Variants in RAB3C observed in about 807,000 individuals in gnomAD.
The protein encoded by RAB3C is RAB3C, member RAS oncogene family, also known as ras-related protein Rab-3C.
A neutral mutation model predicts 26.4 loss-of-function variants in RAB3C; 17 were observed. The observed-to-expected ratio is 0.64, with a 90% CI of 0.44 to 0.97. The LOEUF is 0.97. Ranked by LOEUF, RAB3C falls within the 50% of genes least tolerant of loss-of-function variation. The pLI is 0.00. For missense variants in RAB3C, 242 were observed against 281.9 expected (o/e 0.86, Z 1.01); for synonymous variants, 91 against 95.9 (o/e 0.95, Z 0.30).
chr5:58,617,947 C>A (rs387150), intron 2 of RAB3C, 77 bp downstream of exon 2: 1 of 887,758 alleles, frequency 1.1e-6, no homozygotes, highest in Non-Finnish European at 1.8e-6. Context: ...AAACTTTCTG[C>A]CTTGTTCTAT....
chr5:58,595,969 A>G (rs1746238389), intron 1 of RAB3C, among the ~76,000 whole-genome samples: 1 of 152,084 alleles, frequency 6.6e-6, no homozygotes, highest in Non-Finnish European at 1.5e-5. Flanking sequence ...AGTTTTTTCT[A>G]ATGTTTTAAA....
chr5:58,592,908 T>C (rs1746169831), intron 1 of RAB3C, among the ~76,000 whole-genome samples: 1 of 152,154 alleles, frequency 6.6e-6, no homozygotes, highest in South Asian at 2.1e-4. Context: ...TTTAGTCAGA[T>C]TGGCGAATTG....
chr5:58,731,286 A>G (rs1220951940), intron 3 of RAB3C, among the ~76,000 whole-genome samples: 3 of 152,184 alleles, frequency 2.0e-5, no homozygotes, highest in South Asian at 4.1e-4. Flanking sequence ...GAGTTAAATT[A>G]TCCTCTTTGG....
chr5:58,591,356 G>T (rs753784394), intron 1 of RAB3C, among the ~76,000 whole-genome samples: 26 of 151,868 alleles, frequency 1.7e-4, no homozygotes, highest in Non-Finnish European at 3.1e-4. Flanking sequence ...AGCTATTATT[G>T]TCAATTTGCC....
At chr5:58,701,144 C>T (rs748389163) in intron 2 of RAB3C, among the ~76,000 whole-genome samples, 2 of 151,916 alleles carry the variant, frequency 1.3e-5, no homozygotes, top group East Asian at 1.9e-4. Flanking sequence ...TGCAGGCACC[C>T]GCCACCATGC....
intron 3 of RAB3C, among the ~76,000 whole-genome samples, chr5:58,748,687 C>T (rs1741452778): frequency 6.6e-6 from 1 of 151,922 alleles, no homozygotes; most frequent in Non-Finnish European, 1.5e-5. Context: ...CTAGATATTC[C>T]TTTAGGAAGA....
chr5:58,646,079 A>G (rs950434852), intron 2 of RAB3C, among the ~76,000 whole-genome samples: 2 of 152,182 alleles, frequency 1.3e-5, no homozygotes, highest in African/African-American at 4.8e-5. Flanking sequence ...AAAGGAGCGA[A>G]GTCGAATGAT....
chr5:58,697,795 T>A (rs1443232113), intron 2 of RAB3C, among the ~76,000 whole-genome samples: 1 of 152,188 alleles, frequency 6.6e-6, no homozygotes, highest in East Asian at 1.9e-4. Context: ...CCTCTATCCC[T>A]TTATTTTGAG....
At chr5:58,756,295 TTC>T (rs955827778) in intron 3 of RAB3C, among the ~76,000 whole-genome samples, 73 of 147,092 alleles carry the variant, frequency 5.0e-4, no homozygotes, top group Non-Finnish European at 9.5e-4. Context: ...AATGTAGATA[TTC>T]TCTTACTTAG....
At chr5:58,828,101 C>T (rs1470687021) in intron 4 of RAB3C, among the ~76,000 whole-genome samples, 1 of 152,158 alleles carries the variant, frequency 6.6e-6, no homozygotes, top group Admixed American at 6.5e-5. Flanking sequence ...TGTAATGGAG[C>T]TCTTTAAAAA....
At chr5:58,660,832 G>A (rs1176753276) in intron 2 of RAB3C, among the ~76,000 whole-genome samples, 2 of 149,998 alleles carry the variant, frequency 1.3e-5, no homozygotes, top group Admixed American at 6.6e-5. Context: ...CATGGAGAGG[G>A]CGCACTCTTA....
chr5:58,704,859 C>G (rs187916055), intron 2 of RAB3C, among the ~76,000 whole-genome samples: 3 of 152,196 alleles, frequency 2.0e-5, no homozygotes, highest in Admixed American at 2.0e-4. Context: ...ACCAGAAAGG[C>G]TGATTCTTGT....
At chr5:58,757,616 T>C (rs1008290458) in intron 3 of RAB3C, among the ~76,000 whole-genome samples, 9 of 152,246 alleles carry the variant, frequency 5.9e-5, no homozygotes, top group Non-Finnish European at 1.0e-4. Flanking sequence ...CTGTCCTTCA[T>C]TGGTGATGTT....
In RAB3C at chr5:58,678,762, C is replaced by G. The variant is rs144583064; in HGVS notation, c.253-47240C>G. On this transcript the variant is annotated intron_variant, in intron 2 of 4. Coordinates refer to ENST00000282878, the MANE Select transcript of RAB3C (RefSeq NM_138453.4). ...AACCCAACTGCAAGTCACTCCAATT[C>G]CCATATAATTGTAACTTCTTTTTGA... is the stretch of plus-strand genomic sequence containing the variant. 1.1e-3 allele frequency among the ~76,000 whole-genome samples: 164 copies of G among 152,260 alleles called. 1 individual carries two copies. Among genetic ancestry groups the G allele is most frequent in the African/African-American group, 3.7e-3 (152 of 41,560 alleles).
At chr5:58,706,182 T>C (rs1207767800) in intron 2 of RAB3C, among the ~76,000 whole-genome samples, 1 of 152,206 alleles carries the variant, frequency 6.6e-6, no homozygotes, top group African/African-American at 2.4e-5. Context: ...ATGGTGGCCA[T>C]GTTGAATGAT....
At chr5:58,620,494 A>G in intron 2 of RAB3C, among the ~76,000 whole-genome samples, 1 of 152,230 alleles carries the variant, frequency 6.6e-6, no homozygotes, top group East Asian at 1.9e-4. Context: ...TTGGATAATT[A>G]TGTACTTCTA....
chr5:58,618,477 T>C (rs1459432890), intron 2 of RAB3C, among the ~76,000 whole-genome samples: 2 of 152,176 alleles, frequency 1.3e-5, no homozygotes, highest in Non-Finnish European at 2.9e-5. Context: ...ACAGGGTCTT[T>C]CCAAAGTAGA....
intron 3 of RAB3C, among the ~76,000 whole-genome samples, chr5:58,750,575 T>C (rs1488944691): frequency 2.6e-5 from 4 of 152,196 alleles, no homozygotes; most frequent in Admixed American, 6.5e-5. Context: ...AACTCTTAGA[T>C]TGATAAGGTT....
At chr5:58,655,789 CTTTTTTT>C (rs34352086) in intron 2 of RAB3C, among the ~76,000 whole-genome samples, 5 of 91,604 alleles carry the variant, frequency 5.5e-5, no homozygotes, top group Admixed American at 1.4e-4. Context: ...AAACCTAACT[CTTTTTTT>C]TTTTTTTTTT....
Sources: gnomAD v4.1 joint callset for allele counts (sites outside exome capture counted in the v4.1 genomes callset) on GRCh38, gnomAD v4.1.1 for gene constraint, MANE v1.5 for transcripts, NCBI Gene and HGNC (gene_info 2026-07-23, HGNC 2026-07-21) for gene names.